The following ABRACL variants were observed in gnomAD, a reference collection of about 807,000 sequenced individuals.
The protein encoded by ABRACL is ABRA C-terminal like.
A neutral mutation model predicts 7.0 loss-of-function variants in ABRACL; 4 were observed. The observed-to-expected ratio is 0.57, with a 90% CI of 0.28 to 1.30. The LOEUF is 1.30. ABRACL is among the 50% of genes most tolerant of loss of function. The probability of loss-of-function intolerance (pLI) is 0.10; values close to 1 mark genes in which losing one functional copy is unlikely to be tolerated. For synonymous variants in ABRACL, 30 were observed against 36.0 expected (o/e 0.83, Z 0.60); for missense variants, 104 against 97.3 (o/e 1.07, Z -0.29).
intron 1 of ABRACL, among the ~76,000 whole-genome samples, chr6:139,029,627 G>A (rs765286433): frequency 3.3e-4 from 50 of 152,140 alleles, no homozygotes; most frequent in Admixed American, 2.9e-3. Context: ...TGCAGGGCAC[G>A]GGGTTAGGGG....
chr6:139,033,408 A>G (rs1786109985), intron 1 of ABRACL, among the ~76,000 whole-genome samples: 1 of 152,246 alleles, frequency 6.6e-6, no homozygotes, highest in African/African-American at 2.4e-5. Context: ...ACGTCCCTGT[A>G]CGTCACTGGA....
chr6:139,042,651 TA>T, intron 2 of ABRACL, 67 bp from the exon 3 acceptor site: 1 of 1,425,682 alleles, frequency 7.0e-7, no homozygotes, highest in Non-Finnish European at 9.6e-7. Flanking sequence ...AAAGATTTTG[TA>T]AGTCTTCCAT....
intron 1 of ABRACL, among the ~76,000 whole-genome samples, chr6:139,029,696 G>A (rs992374736): frequency 2.0e-5 from 3 of 152,052 alleles, no homozygotes; most frequent in Non-Finnish European, 4.4e-5. Flanking sequence ...GAGTGAGCGC[G>A]CCCCAGACCG....
intron 1 of ABRACL, among the ~76,000 whole-genome samples, chr6:139,033,781 G>A (rs1013563328): frequency 5.9e-5 from 9 of 151,990 alleles, no homozygotes; most frequent in African/African-American, 2.2e-4. Context: ...TGAGATCCCC[G>A]AGGGCAGATC....
chr6:139,029,579 C>T (rs1445450023), intron 1 of ABRACL, among the ~76,000 whole-genome samples: 1 of 152,140 alleles, frequency 6.6e-6, no homozygotes, highest in Non-Finnish European at 1.5e-5. Context: ...GCTCCCCAGC[C>T]CTGCACTGGT....
chr6:139,036,814 T>C (rs1323879965), intron 2 of ABRACL, among the ~76,000 whole-genome samples: 1 of 151,856 alleles, frequency 6.6e-6, no homozygotes, highest in Non-Finnish European at 1.5e-5. Context: ...TGGGATCCCA[T>C]CTCTACAAAA....
intron 2 of ABRACL, 86 bp from the exon 3 acceptor site, chr6:139,042,633 A>T: frequency 7.6e-7 from 1 of 1,319,840 alleles, no homozygotes; most frequent in Non-Finnish European, 1.0e-6. Context: ...CATAGTTATA[A>T]ATTTATTAAA....
In ABRACL at chr6:139,043,035, T is replaced by G; in HGVS notation, c.*132T>G. On this transcript the variant is annotated 3_prime_UTR_variant, in exon 3 of 3. Transcript: ENST00000367660. The stretch of plus-strand genomic sequence containing the variant: ...TTGTAAACGAAAGGAGATTCATGTT[T>G]TAGAAGTCTGTCCTTTTTTATATCT... 1.4e-6 allele frequency: 1 copy of G among 696,586 alleles called. No homozygotes were observed. The highest frequency in any genetic ancestry group is 2.2e-6 in the Non-Finnish European group (1 of 460,718). 43.2% of individuals were successfully genotyped at this position (696,586 alleles called of 1,614,324 possible).
Position 139,042,729 on chromosome 6 carries a change from A to G in ABRACL, c.72A>G (p.Gly24=), listed in dbSNP as rs1229605651. The G allele has an allele frequency of 6.2e-7, 1 of 1,610,286 alleles. No individual in the cohort carries two copies. The highest frequency in any genetic ancestry group is 8.5e-7 in the Non-Finnish European group (1 of 1,178,190). Residue 24 remains glycine (G), a synonymous_variant, in exon 3 of 3, where the codon GGA becomes GGG. Transcript: ENST00000367660. ...ATTTTCTCAAACTAGATGCTGATGG[A>G]AAGTTAAGCGTGAAATTTGGGGTCC... ...IHRLGSKNAD[G]KLSVKFGVLF...
chr6:139,035,297 G>A (rs986136303), intron 2 of ABRACL, among the ~76,000 whole-genome samples: 1 of 152,156 alleles, frequency 6.6e-6, no homozygotes, highest in African/African-American at 2.4e-5. Flanking sequence ...TTTGACAACG[G>A]TCCTGCTGGA....
chr6:139,033,601 C>T (rs76284188), intron 1 of ABRACL, among the ~76,000 whole-genome samples: 4,656 of 152,280 alleles, frequency 0.031, 121 homozygotes, highest in Non-Finnish European at 0.048. Context: ...GCACTTCCTC[C>T]TGTGTAGAGT....
intron 2 of ABRACL, among the ~76,000 whole-genome samples, chr6:139,035,517 CT>C (rs199627675): frequency 0.028 from 4,257 of 151,868 alleles, 102 homozygotes; most frequent in Non-Finnish European, 0.045. Flanking sequence ...GAATCTTACT[CT>C]GTCACTCAGG....
chr6:139,034,506 T>C, intron 2 of ABRACL: 1 of 1,249,944 alleles, frequency 8.0e-7, no homozygotes, highest in Non-Finnish European at 1.1e-6. Flanking sequence ...TGCATTGAAA[T>C]TTGGTAATTG....
chr6:139,029,394 G>A (rs1031331901), intron 1 of ABRACL, among the ~76,000 whole-genome samples: 1 of 152,034 alleles, frequency 6.6e-6, no homozygotes, highest in African/African-American at 2.4e-5. Flanking sequence ...CCGGGGCAGG[G>A]TCCGTTTTCG....
intron 2 of ABRACL, among the ~76,000 whole-genome samples, chr6:139,036,678 G>T (rs1334526866): frequency 6.6e-6 from 1 of 152,068 alleles, no homozygotes; most frequent in African/African-American, 2.4e-5. Context: ...CTACTTAGTT[G>T]ATGAAAACAG....
chr6:139,034,059 C>T, intron 1 of ABRACL, 96 bp from the exon 2 acceptor site: 1 of 1,473,228 alleles, frequency 6.8e-7, no homozygotes, highest in Non-Finnish European at 9.3e-7. Flanking sequence ...TTAATAGTGA[C>T]AGACGCGACC....
At position 139,038,959 on chromosome 6, in the gene ABRACL, C is replaced by T. The variant is rs181326796; in HGVS notation, c.62-3760C>T. Among the ~76,000 whole-genome samples the T allele has an allele frequency of 7.9e-5, 12 of 152,358 alleles. No homozygotes were observed. In the East Asian group the frequency reaches 1.3e-3, roughly 17 times the overall value. On this transcript the variant is annotated intron_variant, in intron 2 of 2. Coordinates refer to ENST00000367660, the MANE Select transcript of ABRACL (RefSeq NM_021243.3). ...CTAAAATAGGCCAGGTGTGGTGGCT[C>T]ATGCCTATAATCCCAGCACTTTGGG... is the stretch of plus-strand genomic sequence containing the variant.
At chr6:139,030,004 C>G (rs1786056743) in intron 1 of ABRACL, among the ~76,000 whole-genome samples, 1 of 152,086 alleles carries the variant, frequency 6.6e-6, no homozygotes, top group African/African-American at 2.4e-5. Flanking sequence ...GTGTTTCCCA[C>G]GCACAAAGCC....
chr6:139,033,728 T>G (rs1465772772), intron 1 of ABRACL, among the ~76,000 whole-genome samples: 2 of 152,156 alleles, frequency 1.3e-5, no homozygotes, highest in Non-Finnish European at 2.9e-5. Context: ...AGAGTATTCG[T>G]CTCATTGCTC....
Sources: allele counts gnomAD v4.1 joint callset (sites outside exome capture counted in the v4.1 genomes callset), GRCh38; gene constraint gnomAD v4.1.1; transcripts MANE v1.5; gene names NCBI Gene and HGNC (gene_info 2026-07-23, HGNC 2026-07-21).